CCT4: variants seen among roughly 807,000 people sequenced by gnomAD.
CCT4 encodes T-complex protein 1 subunit delta.
Under a neutral mutation model 62.5 loss-of-function variants are expected in CCT4, and 17 were observed. The ratio of observed to expected loss-of-function variants is 0.27; its 90% CI spans 0.19 to 0.41. The LOEUF is 0.41. CCT4 is among the 10% of genes least tolerant of loss of function. The probability of loss-of-function intolerance (pLI) is 1.00; values close to 1 mark genes in which losing one functional copy is unlikely to be tolerated. For missense variants in CCT4, 592 were observed against 659.2 expected (o/e 0.90, Z 1.12); for synonymous variants, 250 against 229.9 (o/e 1.09, Z -0.79).
intron 8 of CCT4, among the ~76,000 whole-genome samples, chr2:61,875,759 A>T (rs970381387): frequency 9.2e-5 from 14 of 152,170 alleles, no homozygotes; most frequent in South Asian, 2.1e-4. Flanking sequence ...TGGCTATTTT[A>T]AAAAACCTAC....
chr2:61,882,855 T>C lies in CCT4; in HGVS notation c.270+604A>G, dbSNP rs1158197728. ...TTTCACTCTGTCACTCAGAATGGAG[T>C]GTTGTGGTGTGATTATAGCTCTCTG... On this transcript the variant is annotated intron_variant, in intron 3 of 13. Transcript: ENST00000394440. 3.3e-5 allele frequency among the ~76,000 whole-genome samples: 5 copies of C among 149,528 alleles called. No homozygotes were observed. The Admixed American group carries it at 3.4e-4, about 10-fold the overall frequency.
At position 61,888,408 on chromosome 2, in the gene CCT4, G is replaced by A; in HGVS notation, c.100C>T (p.Arg34Cys). The A allele has an allele frequency of 1.2e-6, 2 of 1,613,182 alleles. No homozygotes were observed. The highest frequency in any genetic ancestry group is 1.7e-6 in the Non-Finnish European group (2 of 1,179,658). Residue 34 changes from arginine (R) to cysteine (C), a missense_variant, in exon 1 of 14, where the codon CGC becomes TGC. By Grantham distance (180) the Arg-to-Cys change is radical. This residue lies in a region of CCT4 where 67 missense variants were observed against 71.1 expected (regional missense o/e 0.94). Coordinates refer to ENST00000394440, the MANE Select transcript of CCT4 (RefSeq NM_006430.4). ...YQDRDKPAQIRFSNISAAKAV... is the reference protein window; with the variant it reads ...YQDRDKPAQICFSNISAAKAV... ...TTGGCGGCGGAAATGTTGCTGAAGC[G>A]GATCTGGGCTGGCTTGTCGCGGTCC...
chr2:61,876,846 A>G lies in CCT4; in HGVS notation c.777+74T>C, dbSNP rs1371504996. Reference sequence around the variant, plus strand: ...CTTTAAATCACTAGTAGTATTTTCTATTTTTAATAAAGAAATGCCTGAGTT... The same window carrying G: ...CTTTAAATCACTAGTAGTATTTTCTGTTTTTAATAAAGAAATGCCTGAGTT... On this transcript the variant is annotated intron_variant, in intron 7 of 13. Transcript: ENST00000394440. 4.6e-6 allele frequency: 6 copies of G among 1,302,342 alleles called. No homozygotes were observed. In the African/African-American group the frequency reaches 6.0e-5, roughly 13 times the overall value. 80.7% of individuals were successfully genotyped at this position (1,302,342 alleles called of 1,614,324 possible).
At position 61,888,440 on chromosome 2, in the gene CCT4, G is replaced by A. The variant is rs774679661; in HGVS notation, c.68C>T (p.Ala23Val). 6 of 1,612,198 alleles carry A rather than the reference G, an allele frequency of 3.7e-6. No homozygotes were observed. The highest frequency in any genetic ancestry group is 4.2e-6 in the Non-Finnish European group (5 of 1,179,394). ...AGAAGGRGKG[A>V]YQDRDKPAQI... is the part of the protein sequence containing the mutation. ...GGCTGGCTTGTCGCGGTCCTGATAG[G>A]CGCCTTTCCCGCGGCCGCCGGCAGC... The change falls in exon 1 of 14, where the codon GCC becomes GTC. Residue 23 changes from alanine to valine, a missense_variant. Around this residue, in one of 3 missense-constraint regions of CCT4, gnomAD observed 67 missense variants for 71.1 expected, o/e 0.94. Transcript: ENST00000394440.
intron 5 of CCT4, among the ~76,000 whole-genome samples, chr2:61,877,949 T>C (rs1188957283): frequency 6.6e-6 from 1 of 152,230 alleles, no homozygotes; most frequent in Non-Finnish European, 1.5e-5. Context: ...ACTTTACATA[T>C]TAACTCATTC....
At chr2:61,873,437 G>C in intron 8 of CCT4, 144 bp from the exon 9 acceptor site, 1 of 573,008 alleles carries the variant, frequency 1.7e-6, no homozygotes, top group Non-Finnish European at 3.1e-6. Flanking sequence ...AGTTCGTAAG[G>C]TCAAAATTAA....
chr2:61,886,735 A>G (rs1669259571), intron 1 of CCT4, among the ~76,000 whole-genome samples: 1 of 150,224 alleles, frequency 6.7e-6, no homozygotes, highest in African/African-American at 2.4e-5. Context: ...TATCAACCAT[A>G]TTATAAACTC....
intron 1 of CCT4, among the ~76,000 whole-genome samples, chr2:61,886,493 TATAA>T (rs1669253231): frequency 6.6e-6 from 1 of 152,144 alleles, no homozygotes; most frequent in Non-Finnish European, 1.5e-5. Context: ...ATCAGTATGT[TATAA>T]AACATCTCTG....
At chr2:61,878,422 T>C (rs1176162963) in intron 5 of CCT4, among the ~76,000 whole-genome samples, 3 of 152,152 alleles carry the variant, frequency 2.0e-5, no homozygotes, top group African/African-American at 7.2e-5. Flanking sequence ...CTCCTCTAGA[T>C]CTACTCTTTT....
chr2:61,873,679 C>T (rs1011909505), intron 8 of CCT4, among the ~76,000 whole-genome samples: 9 of 152,056 alleles, frequency 5.9e-5, no homozygotes, highest in African/African-American at 2.2e-4. Flanking sequence ...GATTCTCCTG[C>T]CTCAGCCTCC....
Position 61,888,640 on chromosome 2 carries a change from AG to A in CCT4, c.-134del. 1 of 1,074,874 alleles carries A rather than the reference AG, an allele frequency of 9.3e-7. No homozygotes were observed. Among genetic ancestry groups the A allele is most frequent in the South Asian group, 1.7e-5 (1 of 59,752 alleles). 66.6% of individuals were successfully genotyped at this position (1,074,874 alleles called of 1,614,324 possible). On this transcript the variant is annotated 5_prime_UTR_variant, in exon 1 of 14. Coordinates refer to ENST00000394440, the MANE Select transcript of CCT4 (RefSeq NM_006430.4). The stretch of plus-strand genomic sequence containing the variant: ...AGAAAGCGGCGCCGGCGTCGGGAGG[AG>A]GCGGAGGCGGAGAAGGGGGCCTTCC...
intron 12 of CCT4, among the ~76,000 whole-genome samples, chr2:61,871,572 T>G (rs74422133): frequency 0.02 from 3,100 of 152,314 alleles, 57 homozygotes; most frequent in Non-Finnish European, 0.027. Flanking sequence ...CAATATAAAG[T>G]TGGACTGTCA....
chr2:61,876,769 G>T, intron 7 of CCT4, 151 bp downstream of exon 7: 2 of 635,640 alleles, frequency 3.1e-6, no homozygotes, highest in Non-Finnish European at 5.1e-6. Flanking sequence ...GTCACTTGTG[G>T]CACCAACAAT....
chr2:61,886,026 A>G (rs1669240912), intron 1 of CCT4: 1 of 152,232 alleles, frequency 6.6e-6, no homozygotes, highest in African/African-American at 2.4e-5. Context: ...ACTTTTGTTC[A>G]CTAATGTGAA....
intron 4 of CCT4, among the ~76,000 whole-genome samples, chr2:61,879,427 AATTTTTTTTGT>A (rs1263340373): frequency 1.2e-4 from 17 of 143,554 alleles, no homozygotes; most frequent in African/African-American, 4.2e-4. Flanking sequence ...ACACCCGGCT[AATTTTTTTTGT>A]ATTTTTTTTT....
At chr2:61,870,458 T>C (rs1668860580) in intron 12 of CCT4, among the ~76,000 whole-genome samples, 1 of 152,188 alleles carries the variant, frequency 6.6e-6, no homozygotes, top group African/African-American at 2.4e-5. Context: ...ACAGGCATCC[T>C]TGCTTCCAGT....
chr2:61,879,392 G>A (rs1433040208), intron 4 of CCT4, among the ~76,000 whole-genome samples: 10 of 147,922 alleles, frequency 6.8e-5, no homozygotes, highest in African/African-American at 2.0e-4. Context: ...CTCCTGAGTA[G>A]CTGGGACTAC....
intron 12 of CCT4, 98 bp downstream of exon 12, chr2:61,871,984 T>G: frequency 1.2e-6 from 1 of 801,676 alleles, no homozygotes; most frequent in Non-Finnish European, 1.9e-6. Context: ...TCCAAGATTA[T>G]GCTTTTCATT....
At position 61,872,799 on chromosome 2, in the gene CCT4, C is replaced by T. The variant is rs1033182427; in HGVS notation, c.1125+203G>A. 2.6e-5 allele frequency among the ~76,000 whole-genome samples: 4 copies of T among 152,094 alleles called. No individual in the cohort carries two copies. In the South Asian group the frequency reaches 6.2e-4, roughly 24 times the overall value. ...AAAATTAGCAGGGCGTGGTGGCAGGCGCCTGTAGTCCCAGCTTCCCGGGAG... is the reference window on the plus strand; with the variant it reads ...AAAATTAGCAGGGCGTGGTGGCAGGTGCCTGTAGTCCCAGCTTCCCGGGAG... On this transcript the variant is annotated intron_variant, in intron 10 of 13. Transcript: ENST00000394440.
Sources: gnomAD v4.1 joint callset for allele counts (sites outside exome capture counted in the v4.1 genomes callset) on GRCh38, gnomAD v4.1.1 for gene constraint, gnomAD v4.1.1 regional missense constraint, MANE v1.5 for transcripts, NCBI Gene and HGNC (gene_info 2026-07-23, HGNC 2026-07-21) for gene names.